The following CC2D2A variants were observed in gnomAD, a reference collection of about 807,000 sequenced individuals.
The protein encoded by CC2D2A is coiled-coil and C2 domain containing 2A, also known as coiled-coil and C2 domain-containing protein 2A.
Under a neutral mutation model 212.9 loss-of-function variants are expected in CC2D2A, and 155 were observed. That is an observed-to-expected ratio of 0.73 (90% CI 0.64 to 0.83). The LOEUF (loss-of-function observed/expected upper bound fraction) is 0.83, where lower values mean the gene tolerates loss of function less well. Ranked by LOEUF, CC2D2A falls within the 40% of genes least tolerant of loss-of-function variation. The pLI is 0.00. For synonymous variants in CC2D2A, 667 were observed against 686.5 expected, an observed-to-expected ratio of 0.97 and a Z score of 0.44; for missense variants, 1,856 against 1,956.2, an observed-to-expected ratio of 0.95 and a Z score of 0.97.
intron 23 of CC2D2A, among the ~76,000 whole-genome samples, chr4:15,561,889 G>A (rs1190069522): frequency 1.3e-5 from 2 of 152,164 alleles, no homozygotes; most frequent in Non-Finnish European, 2.9e-5. Context: ...ACCTGAGTTT[G>A]AACCCCTGCT....
At chr4:15,500,965 T>C (rs1183861343) in intron 4 of CC2D2A, among the ~76,000 whole-genome samples, 41 of 152,160 alleles carry the variant, frequency 2.7e-4, no homozygotes, top group Non-Finnish European at 7.4e-5. Context: ...GACAAGCACC[T>C]GCGACTTATC....
chr4:15,574,439 A>G, intron 29 of CC2D2A, 113 bp downstream of exon 29: 1 of 733,652 alleles, frequency 1.4e-6, no homozygotes, highest in Non-Finnish European at 2.1e-6. Context: ...TCCTTACTTC[A>G]ATCTCCATTT....
intron 4 of CC2D2A, among the ~76,000 whole-genome samples, chr4:15,502,195 T>G (rs550244711): frequency 1.5e-4 from 23 of 152,320 alleles, no homozygotes; most frequent in Admixed American, 2.6e-4. Context: ...GTTTTGTCTC[T>G]CAGTTTCAGA....
chr4:15,557,345 A>T lies in CC2D2A; in HGVS notation c.2667A>T (p.Arg889Ser). 1 of 1,613,690 alleles carries T rather than the reference A, an allele frequency of 6.2e-7. No individual in the cohort carries two copies. The highest frequency in any genetic ancestry group is 2.2e-5 in the East Asian group (1 of 44,836). The change falls in exon 21 of 37, where the codon AGA becomes AGT. Residue 889 changes from arginine to serine, a missense_variant. Arg to Ser is a moderately radical substitution (Grantham distance 110, BLOSUM62 -1). Around this residue, in one of 5 missense-constraint regions of CC2D2A, gnomAD observed 1,512 missense variants for 1,579.3 expected, o/e 0.96. Coordinates refer to ENST00000424120, the MANE Select transcript of CC2D2A (RefSeq NM_001378615.1). ...SGESYVPDFF[R>S]LEQLQQEFNF... Reference sequence around the variant, plus strand: ...AATCCTATGTCCCTGATTTCTTTAGACTGGAGCAGCTGCAACAGGAGTTTA... The same window carrying T: ...AATCCTATGTCCCTGATTTCTTTAGTCTGGAGCAGCTGCAACAGGAGTTTA...
At chr4:15,492,493 T>C (rs531791432) in intron 4 of CC2D2A, among the ~76,000 whole-genome samples, 60 of 136,308 alleles carry the variant, frequency 4.4e-4, no homozygotes, top group African/African-American at 2.1e-3. Flanking sequence ...GCCAAATTCT[T>C]TTTTTTGTTT....
At chr4:15,477,178 TG>T (rs1200838809) in intron 2 of CC2D2A, among the ~76,000 whole-genome samples, 1 of 152,054 alleles carries the variant, frequency 6.6e-6, no homozygotes, top group Non-Finnish European at 1.5e-5. Flanking sequence ...GAGGCATGCC[TG>T]TAATCCCAGC....
chr4:15,490,952 C>G (rs530950842), intron 4 of CC2D2A, among the ~76,000 whole-genome samples: 1 of 152,114 alleles, frequency 6.6e-6, no homozygotes, highest in Non-Finnish European at 1.5e-5. Context: ...CCCCCTCACA[C>G]GGACCGCCTT....
intron 4 of CC2D2A, among the ~76,000 whole-genome samples, chr4:15,492,171 G>C (rs1160476848): frequency 6.6e-6 from 1 of 152,054 alleles, no homozygotes; most frequent in African/African-American, 2.4e-5. Context: ...TCTATTGCTT[G>C]GGTCAAAAAC....
In CC2D2A at chr4:15,601,323, T is replaced by C; in HGVS notation, c.4761T>C (p.Asp1587=). 1 of 1,610,854 alleles carries C rather than the reference T, an allele frequency of 6.2e-7. No homozygotes were observed. The highest frequency in any genetic ancestry group is 8.5e-7 in the Non-Finnish European group (1 of 1,178,028). The change falls in exon 37 of 37, where the codon GAT becomes GAC. Residue 1587 remains aspartate, a synonymous_variant. Transcript: ENST00000424120. ...AVYSTGVHNI[D]VPNVEFALAV... ...ATAGTACTGGAGTACATAATATTGA[T>C]GTTCCTAATGTTGAATTTGCTTTAG...
At chr4:15,516,082 T>G (rs961097573) in intron 10 of CC2D2A, 78 bp downstream of exon 10, 59 of 1,380,456 alleles carry the variant, frequency 4.3e-5, no homozygotes, top group Middle Eastern at 1.9e-4. Context: ...AGGGCAGTCA[T>G]TGCATCCACT....
chr4:15,527,408 T>C (rs1278664054), intron 11 of CC2D2A, 39 bp from the exon 12 acceptor site: 1 of 1,489,928 alleles, frequency 6.7e-7, no homozygotes, highest in East Asian at 2.3e-5. Context: ...TAGTAAGTGC[T>C]TTAACTGTGT....
chr4:15,502,333 C>A, intron 4 of CC2D2A, 96 bp from the exon 5 acceptor site: 1 of 898,162 alleles, frequency 1.1e-6, no homozygotes, highest in Non-Finnish European at 1.7e-6. Context: ...TTTAACCTTC[C>A]CTTTTGGGGG....
intron 4 of CC2D2A, chr4:15,481,249 C>G (rs1226483857): frequency 4.4e-6 from 2 of 454,848 alleles, no homozygotes; most frequent in Non-Finnish European, 8.8e-6. Flanking sequence ...TGACTCACGT[C>G]TGTAATCCCA....
chr4:15,513,009 A>G (rs1716661179), intron 8 of CC2D2A, among the ~76,000 whole-genome samples: 1 of 152,116 alleles, frequency 6.6e-6, no homozygotes, highest in Non-Finnish European at 1.5e-5. Context: ...TTACCACATT[A>G]AAAATAAGGA....
chr4:15,508,439 G>A (rs1351518971), intron 6 of CC2D2A, among the ~76,000 whole-genome samples: 1 of 152,130 alleles, frequency 6.6e-6, no homozygotes, highest in Non-Finnish European at 1.5e-5. Context: ...AAAAAGACAT[G>A]TAAGAAAAAG....
intron 19 of CC2D2A, among the ~76,000 whole-genome samples, chr4:15,554,104 A>G (rs1474474930): frequency 6.6e-6 from 1 of 152,192 alleles, no homozygotes; most frequent in Non-Finnish European, 1.5e-5. Context: ...CCACAAGGAG[A>G]TGCTGCTATT....
intron 4 of CC2D2A, 88 bp from the exon 5 acceptor site, chr4:15,502,341 G>A: frequency 4.0e-6 from 4 of 1,001,896 alleles, no homozygotes; most frequent in Non-Finnish European, 5.8e-6. Flanking sequence ...TCCCTTTTGG[G>A]GGGAGGGAAT....
chr4:15,496,543 T>G (rs80196850), intron 4 of CC2D2A, among the ~76,000 whole-genome samples: 8 of 152,130 alleles, frequency 5.3e-5, no homozygotes, highest in Non-Finnish European at 1.2e-4. Flanking sequence ...TGTGTGGCTT[T>G]ATTTCTAGGA....
chr4:15,584,306 T>A (rs999203227), intron 30 of CC2D2A, among the ~76,000 whole-genome samples: 15 of 152,158 alleles, frequency 9.9e-5, no homozygotes, highest in African/African-American at 3.4e-4. Context: ...AAAACCCACA[T>A]AGACCAATGG....
Sources: gnomAD v4.1 joint callset for allele counts (sites outside exome capture counted in the v4.1 genomes callset) on GRCh38, gnomAD v4.1.1 for gene constraint, gnomAD v4.1.1 regional missense constraint, MANE v1.5 for transcripts, NCBI Gene and HGNC (gene_info 2026-07-23, HGNC 2026-07-21) for gene names.